TOMM20L: variants seen among roughly 807,000 people sequenced by gnomAD.
TOMM20L encodes TOMM20-like protein 1.
A neutral mutation model predicts 20.4 loss-of-function variants in TOMM20L; 19 were observed. That is an observed-to-expected ratio of 0.93 (90% CI 0.65 to 1.36). The LOEUF (loss-of-function observed/expected upper bound fraction) is 1.36, where lower values mean the gene tolerates loss of function less well. TOMM20L is among the 40% of genes most tolerant of loss of function. The pLI is 0.00. For missense variants in TOMM20L, 218 were observed against 203.7 expected (o/e 1.07, Z -0.43); for synonymous variants, 75 against 79.6 (o/e 0.94, Z 0.30).
At chr14:58,398,708 T>G (rs2035955688) in intron 2 of TOMM20L, 1 of 151,062 alleles carries the variant, frequency 6.6e-6, no homozygotes, top group Non-Finnish European at 1.5e-5. Context: ...TATAATCTAA[T>G]TATATTCATA....
chr14:58,404,117 A>ATTT (rs1198718876), intron 3 of TOMM20L, among the ~76,000 whole-genome samples: 31 of 13,456 alleles, frequency 2.3e-3, no homozygotes, highest in East Asian at 0.023. Flanking sequence ...ATATATATAT[A>ATTT]TATTTTTTTT....
chr14:58,411,841 A>AT, downstream of TOMM20L: 1 of 1,462,532 alleles, frequency 6.8e-7, no homozygotes, highest in Non-Finnish European at 9.6e-7. Context: ...CCAGCCTGAC[A>AT]TGGTGGCATT....
intron 2 of TOMM20L, among the ~76,000 whole-genome samples, chr14:58,396,745 A>G (rs757612151): frequency 6.6e-6 from 1 of 152,242 alleles, no homozygotes; most frequent in Non-Finnish European, 1.5e-5. Flanking sequence ...AGCAGAAGGC[A>G]TCTTCGTGTT....
intron 2 of TOMM20L, among the ~76,000 whole-genome samples, chr14:58,401,907 T>C (rs1280578313): frequency 6.6e-6 from 1 of 152,170 alleles, no homozygotes; most frequent in African/African-American, 2.4e-5. Flanking sequence ...AGGCTTAGCA[T>C]AGTTTTTTGT....
Position 58,396,523 on chromosome 14 carries a change from G to A in TOMM20L, c.180+182G>A, listed in dbSNP as rs529012080. Among the ~76,000 whole-genome samples the A allele has an allele frequency of 7.2e-5, 11 of 152,372 alleles. 1 individual carries two copies. The South Asian group carries it at 2.3e-3, about 32-fold the overall frequency. ...GCCCAGTCACTCTCCTCTCACAAAA[G>A]GGAGGGAAGGAAGGAGGAAGAAGTT... On this transcript the variant is annotated intron_variant, in intron 2 of 4. Coordinates refer to ENST00000360945, the MANE Select transcript of TOMM20L (RefSeq NM_207377.3).
chr14:58,402,730 G>C lies in TOMM20L; in HGVS notation c.231G>C (p.Glu77Asp). The change falls in exon 3 of 5, where the codon GAG (glutamate) becomes GAC (aspartate). Residue 77 changes from glutamate (E) to aspartate (D), a missense_variant. Physicochemically the swap from Glu to Asp is conservative, Grantham distance 45 (BLOSUM62 2). Coordinates refer to ENST00000360945, the MANE Select transcript of TOMM20L (RefSeq NM_207377.3). ...NKKLQELFLQ[E>D]VRMGELWLSR... ...AGTTGCAAGAACTTTTCTTGCAAGA[G>C]GTACGGATGGGAGAACTTTGGTTAT... The C allele has an allele frequency of 6.2e-7, 1 of 1,613,754 alleles. No individual in the cohort carries two copies. Among genetic ancestry groups the C allele is most frequent in the South Asian group, 1.1e-5 (1 of 91,002 alleles).
chr14:58,413,571 C>G (rs1198489294), downstream of TOMM20L, among the ~76,000 whole-genome samples: 2 of 152,024 alleles, frequency 1.3e-5, no homozygotes, highest in South Asian at 2.1e-4. Context: ...AATAAAAAAG[C>G]CTTTCTGAAT....
chr14:58,400,028 A>G (rs1347367473), intron 2 of TOMM20L, among the ~76,000 whole-genome samples: 1 of 150,284 alleles, frequency 6.7e-6, no homozygotes, highest in Non-Finnish European at 1.5e-5. Context: ...CCCTGCCTCT[A>G]TTCTTATGCT....
At chr14:58,398,051 A>T (rs1000200113) in intron 2 of TOMM20L, among the ~76,000 whole-genome samples, 1 of 152,164 alleles carries the variant, frequency 6.6e-6, no homozygotes, top group African/African-American at 2.4e-5. Context: ...CACAGTAGAG[A>T]ATAAAAGCCC....
At chr14:58,415,722 A>C in the TOMM20L span, among the ~76,000 whole-genome samples, 1 of 152,202 alleles carries the variant, frequency 6.6e-6, no homozygotes, top group East Asian at 1.9e-4. Context: ...AGTATAAAAA[A>C]GTGAATATTT....
At chr14:58,399,421 A>G (rs1274514838) in intron 2 of TOMM20L, among the ~76,000 whole-genome samples, 1 of 152,176 alleles carries the variant, frequency 6.6e-6, no homozygotes, top group Non-Finnish European at 1.5e-5. Context: ...TTTAGGATCC[A>G]TAAGAATCAC....
the TOMM20L span, among the ~76,000 whole-genome samples, chr14:58,416,726 T>C: frequency 5.9e-5 from 9 of 152,352 alleles, no homozygotes; most frequent in Middle Eastern, 6.8e-3. Context: ...TATACTTCAC[T>C]TGAACTGGTA....
intron 2 of TOMM20L, among the ~76,000 whole-genome samples, chr14:58,397,239 G>A (rs1278105066): frequency 6.6e-6 from 1 of 152,190 alleles, no homozygotes; most frequent in African/African-American, 2.4e-5. Context: ...TGTGTCCCAA[G>A]GGACAAGCAA....
downstream of TOMM20L, among the ~76,000 whole-genome samples, chr14:58,409,346 A>T (rs1163138741): frequency 6.6e-6 from 1 of 152,208 alleles, no homozygotes; most frequent in Non-Finnish European, 1.5e-5. Flanking sequence ...ATTCACTGAC[A>T]AGCATTAATA....
rs752436646 is a variant in TOMM20L, at chr14:58,396,023, C to A, written c.66C>A (p.Phe22Leu). The change falls in exon 1 of 5, where the codon TTC becomes TTA. Residue 22 changes from phenylalanine (F) to leucine (L), a missense_variant. Physicochemically the swap from Phe to Leu is conservative, Grantham distance 22. Coordinates refer to ENST00000360945, the MANE Select transcript of TOMM20L (RefSeq NM_207377.3). ...AAAAACGAFA[F>L]LGYCIYLNRK... ...CGGCGGCCTGTGGCGCCTTCGCCTT[C>A]CTGGGCTATTGTATTTACCTCAACC... 2 of 1,453,240 alleles carry A rather than the reference C, an allele frequency of 1.4e-6. No individual in the cohort carries two copies. Among genetic ancestry groups the A allele is most frequent in the South Asian group, 3.0e-5 (2 of 66,130 alleles). 90.0% of individuals were successfully genotyped at this position (1,453,240 alleles called of 1,614,324 possible). A position where few individuals can be genotyped will look rare whatever the true frequency, so the allele number is the denominator to read the frequency against.
At chr14:58,398,677 T>G (rs920598290) in intron 2 of TOMM20L, 2 of 151,250 alleles carry the variant, frequency 1.3e-5, no homozygotes, top group Non-Finnish European at 2.9e-5. Flanking sequence ...TTAATATAAA[T>G]TAATCATATT....
At chr14:58,413,176 T>C (rs1237855251), downstream of TOMM20L, among the ~76,000 whole-genome samples, 1 of 152,184 alleles carries the variant, frequency 6.6e-6, no homozygotes, top group Non-Finnish European at 1.5e-5. Flanking sequence ...CACATCTCAA[T>C]TTGAATGCTA....
chr14:58,399,879 CTATTGCATATATATATATATATATA>C (rs1412979749), intron 2 of TOMM20L, among the ~76,000 whole-genome samples: 2 of 104,214 alleles, frequency 1.9e-5, no homozygotes, highest in Non-Finnish European at 1.9e-5. Context: ...TTCAAATGCT[CTATTGCATATATATATATATATATA>C]TATATATATA....
downstream of TOMM20L, chr14:58,411,812 C>T (rs746678637): frequency 1.7e-6 from 2 of 1,167,342 alleles, no homozygotes; most frequent in Non-Finnish European, 2.6e-6. Context: ...GCTGGGATTA[C>T]AGATGTGAGC....
Sources: gnomAD v4.1 joint callset for allele counts (sites outside exome capture counted in the v4.1 genomes callset) on GRCh38, gnomAD v4.1.1 for gene constraint, MANE v1.5 for transcripts, NCBI Gene and HGNC (gene_info 2026-07-23, HGNC 2026-07-21) for gene names.